LRP1B: variants seen among roughly 807,000 people sequenced by gnomAD.
The protein encoded by LRP1B is low-density lipoprotein receptor-related protein 1B.
In LRP1B, 217 loss-of-function variants were observed where a neutral mutation model predicts 556.6. The ratio of observed to expected loss-of-function variants is 0.39; its 90% confidence interval spans 0.35 to 0.44. LRP1B has a LOEUF of 0.44. Ranked by LOEUF, LRP1B falls within the 20% of genes least tolerant of loss-of-function variation. LRP1B has a pLI of 1.00. For missense variants in LRP1B, 5,053 were observed against 5,620.8 expected, an observed-to-expected ratio of 0.90 and a Z score of 3.23; for synonymous variants, 2,047 against 1,865.8, an observed-to-expected ratio of 1.10 and a Z score of -2.50.
At chr2:141,175,034 C>T (rs1214123254) in intron 7 of LRP1B, among the ~76,000 whole-genome samples, 1 of 152,028 alleles carries the variant, frequency 6.6e-6, no homozygotes, top group African/African-American at 2.4e-5. Flanking sequence ...GAACTTTAAA[C>T]TTGAGGGAGA....
intron 43 of LRP1B, among the ~76,000 whole-genome samples, chr2:140,581,224 C>G (rs1158294584): frequency 2.6e-5 from 4 of 152,124 alleles, no homozygotes; most frequent in Non-Finnish European, 4.4e-5. Context: ...GACACTTTAA[C>G]GAAGGTAACA....
At chr2:141,332,444 A>T (rs1360925380) in intron 3 of LRP1B, among the ~76,000 whole-genome samples, 2 of 110,572 alleles carry the variant, frequency 1.8e-5, no homozygotes, top group Non-Finnish European at 4.4e-5. Flanking sequence ...TCCCATATCT[A>T]ACTGAAAAAA....
chr2:140,745,138 C>G (rs1688273735), intron 35 of LRP1B, among the ~76,000 whole-genome samples: 1 of 152,106 alleles, frequency 6.6e-6, no homozygotes, highest in Admixed American at 6.5e-5. Context: ...TTCTTGAAAA[C>G]TAAGAGATAT....
chr2:141,953,030 T>C (rs528326122), intron 1 of LRP1B, among the ~76,000 whole-genome samples: 2 of 152,202 alleles, frequency 1.3e-5, no homozygotes, highest in Non-Finnish European at 1.5e-5. Flanking sequence ...AGAAATTCAT[T>C]TTTTTAATGT....
chr2:141,819,446 C>T (rs1010343016), intron 1 of LRP1B, among the ~76,000 whole-genome samples: 3 of 152,148 alleles, frequency 2.0e-5, no homozygotes, highest in African/African-American at 7.2e-5. Context: ...CGTAACACTT[C>T]AGGGCTACAG....
At chr2:141,160,637 GA>G (rs957074832) in intron 7 of LRP1B, among the ~76,000 whole-genome samples, 4 of 149,390 alleles carry the variant, frequency 2.7e-5, no homozygotes, top group African/African-American at 4.9e-5. Flanking sequence ...TGCTGACTTG[GA>G]AAAAAAAAGC....
chr2:140,596,550 A>AT (rs1396601166), intron 43 of LRP1B, among the ~76,000 whole-genome samples: 3 of 152,228 alleles, frequency 2.0e-5, no homozygotes, highest in African/African-American at 7.2e-5. Context: ...GAATTGAAAT[A>AT]TTTACTGTGC....
At chr2:141,797,349 G>T (rs1173390453) in intron 2 of LRP1B, among the ~76,000 whole-genome samples, 5 of 151,428 alleles carry the variant, frequency 3.3e-5, no homozygotes, top group South Asian at 4.2e-4. Flanking sequence ...TGTCCTTAAG[G>T]ATTCTAACAG....
intron 1 of LRP1B, among the ~76,000 whole-genome samples, chr2:142,096,063 T>C: frequency 6.6e-6 from 1 of 151,922 alleles, no homozygotes; most frequent in Non-Finnish European, 1.5e-5. Context: ...TCCAGACTTA[T>C]TCCTTCTAAA....
intron 24 of LRP1B, among the ~76,000 whole-genome samples, chr2:140,885,932 G>A (rs549019366): frequency 1.3e-5 from 2 of 151,316 alleles, no homozygotes; most frequent in African/African-American, 4.9e-5. Context: ...AGTGGCAAAT[G>A]GTGTGAACAG....
chr2:140,296,867 T>A (rs975329141), intron 84 of LRP1B, among the ~76,000 whole-genome samples: 1 of 151,578 alleles, frequency 6.6e-6, no homozygotes, highest in African/African-American at 2.4e-5. Context: ...AAAGAAAAAA[T>A]ATAAATAGAA....
In LRP1B at chr2:140,557,599, T is replaced by C. The variant is rs531606643; in HGVS notation, c.7195-15628A>G. Among the ~76,000 whole-genome samples the C allele has an allele frequency of 2.0e-5, 3 of 152,244 alleles. No homozygotes were observed. The East Asian group carries it at 5.8e-4, about 30-fold the overall frequency. ...AACTATTATCTACTGTGCTCCCCTA[T>C]GCTCTTCCGTTCTCTCTGTGCTAGC... On this transcript the variant is annotated intron_variant, in intron 43 of 90. Transcript: ENST00000389484.
chr2:140,822,328 A>C (rs1028560228), intron 31 of LRP1B, among the ~76,000 whole-genome samples: 1 of 152,248 alleles, frequency 6.6e-6, no homozygotes, highest in Non-Finnish European at 1.5e-5. Context: ...AAACAAAGTT[A>C]TTCAGCCTAA....
chr2:140,597,342 T>C (rs940035167), intron 43 of LRP1B, among the ~76,000 whole-genome samples: 3 of 152,054 alleles, frequency 2.0e-5, no homozygotes, highest in African/African-American at 7.2e-5. Flanking sequence ...TAAGAATAAA[T>C]GGGTGGGGAA....
chr2:141,722,180 C>T (rs1263812494), intron 2 of LRP1B, among the ~76,000 whole-genome samples: 1 of 152,078 alleles, frequency 6.6e-6, no homozygotes, highest in Non-Finnish European at 1.5e-5. Context: ...GAGTTCGAGG[C>T]CAACCTGGCC....
At chr2:140,853,689 T>C (rs932793270) in intron 27 of LRP1B, among the ~76,000 whole-genome samples, 4 of 151,602 alleles carry the variant, frequency 2.6e-5, no homozygotes, top group African/African-American at 9.7e-5. Context: ...TTAAAAACAA[T>C]AAATAAATAA....
rs763925766 is a variant in LRP1B, at chr2:141,107,428, A to G, written c.1014-45155T>C. On this transcript the variant is annotated intron_variant, in intron 7 of 90. Transcript: ENST00000389484. ...TTTGGGAGGCTGAGGCGGGTGGATCACAAGGTCAAGAGATCAAGACCATCC... is the reference window on the plus strand; with the variant it reads ...TTTGGGAGGCTGAGGCGGGTGGATCGCAAGGTCAAGAGATCAAGACCATCC... 2.5e-4 allele frequency among the ~76,000 whole-genome samples: 38 copies of G among 152,228 alleles called. 1 individual carries two copies. Among genetic ancestry groups the G allele is most frequent in the Admixed American group, 1.2e-3 (19 of 15,290 alleles).
chr2:140,863,983 C>A (rs1445432867), intron 27 of LRP1B, among the ~76,000 whole-genome samples: 1 of 151,570 alleles, frequency 6.6e-6, no homozygotes, highest in African/African-American at 2.4e-5. Context: ...CATTTAATGT[C>A]TTCTGCTTGC....
intron 1 of LRP1B, among the ~76,000 whole-genome samples, chr2:141,868,855 G>C (rs1162792400): frequency 6.6e-6 from 1 of 152,006 alleles, no homozygotes; most frequent in Admixed American, 6.6e-5. Flanking sequence ...ATCTTTTACT[G>C]CCTAATAACT....
Sources: gnomAD v4.1 joint callset for allele counts (sites outside exome capture counted in the v4.1 genomes callset) on GRCh38, gnomAD v4.1.1 for gene constraint, MANE v1.5 for transcripts, NCBI Gene and HGNC (gene_info 2026-07-23, HGNC 2026-07-21) for gene names.